SACS: variants seen among roughly 807,000 people sequenced by gnomAD.
SACS encodes the protein sacsin.
Under a neutral mutation model 348.0 loss-of-function variants are expected in SACS, and 197 were observed. The ratio of observed to expected loss-of-function variants is 0.57; its 90% CI spans 0.50 to 0.64. The LOEUF (loss-of-function observed/expected upper bound fraction) is 0.64, where lower values mean the gene tolerates loss of function less well. Ranked by LOEUF, SACS falls within the 30% of genes least tolerant of loss-of-function variation. The pLI is 0.00. For synonymous variants in SACS, 1,985 were observed against 1,910.6 expected (o/e 1.04, Z -1.02); for missense variants, 4,999 against 5,360.8 (o/e 0.93, Z 2.11).
At chr13:23,386,575 A>G (rs573675089) in intron 2 of SACS, among the ~76,000 whole-genome samples, 1 of 152,186 alleles carries the variant, frequency 6.6e-6, no homozygotes, top group South Asian at 2.1e-4. Flanking sequence ...ATCAGTAATA[A>G]GGCTGTTTTG....
chr13:23,331,968 TAA>T lies in SACS; in HGVS notation c.11906_11907del (p.Leu3969GlnfsTer10). On this transcript the variant is annotated frameshift_variant, in exon 10 of 10. Coordinates refer to ENST00000382292, the MANE Select transcript of SACS (RefSeq NM_014363.6). LOFTEE classifies it high-confidence loss of function. ...AGTATACTGCTCAATAATCGAGGTC[TAA>T]GTTTTTGAGGAAAGAGCATTATCAA... ...TKLIMLFPQK[L>X]RPRLLSSILE... The T allele has an allele frequency of 6.2e-7, 1 of 1,614,104 alleles. No homozygotes were observed. The highest frequency in any genetic ancestry group is 8.5e-7 in the Non-Finnish European group (1 of 1,179,976).
At chr13:23,400,743 C>T (rs982656132) in intron 2 of SACS, among the ~76,000 whole-genome samples, 1 of 152,142 alleles carries the variant, frequency 6.6e-6, no homozygotes, top group Non-Finnish European at 1.5e-5. Flanking sequence ...AAATAGGTAG[C>T]TAAGCATTGT....
intron 2 of SACS, among the ~76,000 whole-genome samples, chr13:23,410,899 A>T (rs1409716629): frequency 6.6e-6 from 1 of 152,222 alleles, no homozygotes; most frequent in African/African-American, 2.4e-5. Flanking sequence ...TTTCCAAACA[A>T]TCATATGGCA....
At chr13:23,388,493 A>G (rs867319346) in intron 2 of SACS, among the ~76,000 whole-genome samples, 7,716 of 146,488 alleles carry the variant, frequency 0.053, 294 homozygotes, top group African/African-American at 0.095. Flanking sequence ...GTGTGTATAT[A>G]TATATATATA....
In SACS at chr13:23,385,360, C is replaced by CT. The variant is rs1056155230; in HGVS notation, c.21-10092dup. Among the ~76,000 whole-genome samples the CT allele has an allele frequency of 9.4e-3, 1,294 of 138,318 alleles. 7 individuals carry two copies. Among genetic ancestry groups the CT allele is most frequent in the South Asian group, 0.018 (79 of 4,352 alleles). The allele number at this position is 138,318 out of a possible 152,430, so 90.7% of individuals were successfully genotyped here. A position where few individuals can be genotyped will look rare whatever the true frequency, so the allele number is the denominator to read the frequency against. On this transcript the variant is annotated intron_variant, in intron 2 of 9. Coordinates refer to ENST00000382292, the MANE Select transcript of SACS (RefSeq NM_014363.6). ...CCTTCTCCCATGAATCATGGATGTTCTTTTTTTTTTTTTTTTGAGATAGAG... is the reference window on the plus strand; with the variant it reads ...CCTTCTCCCATGAATCATGGATGTTCTTTTTTTTTTTTTTTTTGAGATAGAG...
chr13:23,389,410 T>A (rs1419937250), intron 2 of SACS, among the ~76,000 whole-genome samples: 10 of 151,218 alleles, frequency 6.6e-5, no homozygotes, highest in South Asian at 4.1e-4. Flanking sequence ...TGTAAAAAAA[T>A]ATATATATAT....
chr13:23,419,994 C>T (rs1033406072), intron 1 of SACS, among the ~76,000 whole-genome samples: 4 of 152,144 alleles, frequency 2.6e-5, no homozygotes, highest in African/African-American at 9.7e-5. Context: ...CACCTGGAGC[C>T]TGATGTTCCC....
At position 23,329,025 on chromosome 13, in the gene SACS, GTACAC is replaced by G. The variant is rs1253933313; in HGVS notation, c.*1106_*1110del. 1 of 162,370 alleles carries G rather than the reference GTACAC, an allele frequency of 6.2e-6. No individual in the cohort carries two copies. The highest frequency in any genetic ancestry group is 1.3e-5 in the Non-Finnish European group (1 of 75,058). 10.1% of individuals were successfully genotyped at this position (162,370 alleles called of 1,614,324 possible). ...GTATATTTAGCATCATTTACAGCCA[GTACAC>G]TTATATAAACTAATTATCATTACCT... On this transcript the variant is annotated 3_prime_UTR_variant, in exon 10 of 10. Transcript: ENST00000382292.
chr13:23,375,508 G>A (rs1458350937), intron 2 of SACS: 8 of 1,125,744 alleles, frequency 7.1e-6, no homozygotes, highest in Admixed American at 4.9e-5. Flanking sequence ...CGCCGAGGAG[G>A]AAACGCTAGA....
Position 23,375,363 on chromosome 13 carries a change from C to T in SACS, c.21-94G>A, listed in dbSNP as rs1566091976. The stretch of plus-strand genomic sequence containing the variant: ...TCCACCCGCGTTACCTCTCCCACAT[C>T]GCGGCGCGGCAGGCGCCCCTAGCGC... On this transcript the variant is annotated intron_variant, in intron 2 of 9. Transcript: ENST00000382292. The T allele has an allele frequency of 4.0e-6, 5 of 1,263,838 alleles. No individual in the cohort carries two copies. The East Asian group carries it at 1.6e-4, about 41-fold the overall frequency. 78.3% of individuals were successfully genotyped at this position (1,263,838 alleles called of 1,614,324 possible).
intron 9 of SACS, 90 bp from the exon 10 acceptor site, chr13:23,341,780 CTTTTTTTTTTTTTT>C: frequency 2.0e-5 from 6 of 297,864 alleles, no homozygotes; most frequent in Non-Finnish European, 3.5e-5. Context: ...CTGGAAGGTT[CTTTTTTTTTTTTTT>C]TTTTTTTTTT....
intron 2 of SACS, among the ~76,000 whole-genome samples, chr13:23,380,476 T>C (rs1485477666): frequency 1.3e-5 from 2 of 152,140 alleles, no homozygotes; most frequent in Non-Finnish European, 2.9e-5. Flanking sequence ...CACAAAATCA[T>C]TCATTTTAAG....
In SACS at chr13:23,336,856, C is replaced by T; in HGVS notation, c.7020G>A (p.Lys2340=). ...NEITKMSIID[K]LKPFSFILVE... ...CTAGAATGAAGCTAAAGGGTTTTAA[C>T]TTATCAATAATTGACATCTTAGTGA... The change falls in exon 10 of 10, where the codon AAG becomes AAA. Residue 2340 remains lysine (K), a synonymous_variant. Coordinates refer to ENST00000382292, the MANE Select transcript of SACS (RefSeq NM_014363.6). 1 of 1,613,538 alleles carries T rather than the reference C, an allele frequency of 6.2e-7. No homozygotes were observed. Among genetic ancestry groups the T allele is most frequent in the Non-Finnish European group, 8.5e-7 (1 of 1,179,666 alleles).
At chr13:23,395,072 G>A (rs924224439) in intron 2 of SACS, among the ~76,000 whole-genome samples, 3 of 152,164 alleles carry the variant, frequency 2.0e-5, no homozygotes, top group Non-Finnish European at 4.4e-5. Flanking sequence ...CTGGTTTAGA[G>A]GAGTCCTAGG....
chr13:23,395,860 C>T (rs7992082), intron 2 of SACS, among the ~76,000 whole-genome samples: 40,230 of 151,994 alleles, frequency 0.26, 5,995 homozygotes, highest in East Asian at 0.42. Context: ...CTACAATATT[C>T]GAATGAAAGC....
chr13:23,399,286 T>C (rs749932494), intron 2 of SACS, among the ~76,000 whole-genome samples: 5 of 152,184 alleles, frequency 3.3e-5, no homozygotes, highest in Admixed American at 2.0e-4. Flanking sequence ...TTGTTCTTTG[T>C]TCTCGAGATC....
chr13:23,353,109 T>G (rs772570293), intron 9 of SACS, among the ~76,000 whole-genome samples: 1 of 152,002 alleles, frequency 6.6e-6, no homozygotes, highest in Non-Finnish European at 1.5e-5. Flanking sequence ...CTTGCAGAAG[T>G]TGAAAGGTAG....
In SACS at chr13:23,336,090, A is replaced by C; in HGVS notation, c.7786T>G (p.Phe2596Val). ...PALCVYNNQP[F>V]TEDDVRGIQN... is the part of the protein sequence containing the mutation. ...ATTCCTCTAACATCATCTTCTGTAA[A>C]TGGCTGGTTGTTGTACACACAAAGT... The change falls in exon 10 of 10, where the codon TTT (phenylalanine) becomes GTT (valine). Residue 2596 changes from phenylalanine to valine, a missense_variant. Coordinates refer to ENST00000382292, the MANE Select transcript of SACS (RefSeq NM_014363.6). 6.2e-7 allele frequency: 1 copy of C among 1,611,338 alleles called. No individual in the cohort carries two copies.
rs1294644391 is a variant in SACS, at chr13:23,432,749, T to C, written c.-502+866A>G. On this transcript the variant is annotated intron_variant, in intron 1 of 9. Coordinates refer to ENST00000382292, the MANE Select transcript of SACS (RefSeq NM_014363.6). The stretch of plus-strand genomic sequence containing the variant: ...CTGATGGAGAAATGAAGAGTTCCCC[T>C]TCAAAATAACTTCAGAGCAGCTTGC... Among the ~76,000 whole-genome samples the C allele has an allele frequency of 2.0e-5, 3 of 152,348 alleles. 1 individual carries two copies. The highest frequency in any genetic ancestry group is 7.2e-5 in the African/African-American group (3 of 41,590).
Sources: allele counts gnomAD v4.1 joint callset (sites outside exome capture counted in the v4.1 genomes callset), GRCh38; gene constraint gnomAD v4.1.1; transcripts MANE v1.5; gene names NCBI Gene and HGNC (gene_info 2026-07-23, HGNC 2026-07-21).